The following FBLIM1 variants were observed in gnomAD, a reference collection of about 807,000 sequenced individuals.
FBLIM1 encodes the protein filamin binding LIM protein 1.
FBLIM1 carries 29 observed loss-of-function variants against 37.4 expected under a neutral mutation model. That is an observed-to-expected ratio of 0.77 (90% CI 0.58 to 1.06). The LOEUF is 1.06. FBLIM1 is among the 50% of genes least tolerant of loss of function. The probability of loss-of-function intolerance (pLI) is 0.00; values close to 1 mark genes in which losing one functional copy is unlikely to be tolerated. For synonymous variants in FBLIM1, 193 were observed against 199.0 expected, an observed-to-expected ratio of 0.97 and a Z score of 0.25; for missense variants, 449 against 505.6, an observed-to-expected ratio of 0.89 and a Z score of 1.07.
chr1:15,783,732 G>A (rs961985268), intron 8 of FBLIM1, among the ~76,000 whole-genome samples: 10 of 151,478 alleles, frequency 6.6e-5, no homozygotes, highest in African/African-American at 2.4e-4. Flanking sequence ...ACAGGCGCCC[G>A]CCACCACGCC....
At chr1:15,771,065 G>T (rs112989145) in intron 6 of FBLIM1, among the ~76,000 whole-genome samples, 61 of 151,974 alleles carry the variant, frequency 4.0e-4, no homozygotes, top group African/African-American at 1.4e-3. Context: ...TCAGCCTCCC[G>T]AGTAGCTGGG....
At chr1:15,763,561 G>C in intron 1 of FBLIM1, among the ~76,000 whole-genome samples, 1 of 151,154 alleles carries the variant, frequency 6.6e-6, no homozygotes, top group East Asian at 2.1e-4. Context: ...GCGTGAACCT[G>C]GGAAGTGGAG....
chr1:15,786,495 C>G lies in FBLIM1; in HGVS notation c.*1834C>G, dbSNP rs1392231911. 2 of 152,246 alleles carry G rather than the reference C, an allele frequency of 1.3e-5. No individual in the cohort carries two copies. Among genetic ancestry groups the G allele is most frequent in the East Asian group, 3.8e-4 (2 of 5,202 alleles). 9.4% of individuals were successfully genotyped at this position (152,246 alleles called of 1,614,324 possible). Reference sequence around the variant, plus strand: ...GTTTTCACTCACTTCTGACTTTAGCCTCGTGCTGAGCCGTGTATCCATGCA... The same window carrying G: ...GTTTTCACTCACTTCTGACTTTAGCGTCGTGCTGAGCCGTGTATCCATGCA... On this transcript the variant is annotated 3_prime_UTR_variant, in exon 9 of 9. Transcript: ENST00000375766.
chr1:15,776,006 G>A (rs1430749596), intron 7 of FBLIM1, among the ~76,000 whole-genome samples: 3 of 152,170 alleles, frequency 2.0e-5, no homozygotes, highest in Admixed American at 6.6e-5. Flanking sequence ...GGAGAAAAAG[G>A]AACAGGCAAA....
At position 15,777,295 on chromosome 1, in the gene FBLIM1, G is replaced by A; in HGVS notation, c.1008+8G>A. 1.3e-6 allele frequency: 2 copies of A among 1,597,864 alleles called. No homozygotes were observed. The highest frequency in any genetic ancestry group is 1.1e-5 in the South Asian group (1 of 90,280). ...AATTGCTACAGGTGTGAGGTGAGTGGAGCCTAGGTGGTTTAATAACATTCC... is the reference window on the plus strand; with the variant it reads ...AATTGCTACAGGTGTGAGGTGAGTGAAGCCTAGGTGGTTTAATAACATTCC... On this transcript the variant is annotated splice_region_variant and intron_variant, in intron 8 of 8. Coordinates refer to ENST00000375766, the MANE Select transcript of FBLIM1 (RefSeq NM_017556.4).
chr1:15,764,979 A>C lies in FBLIM1; in HGVS notation c.-5A>C. The C allele has an allele frequency of 6.2e-7, 1 of 1,611,132 alleles. No homozygotes were observed. Among genetic ancestry groups the C allele is most frequent in the Non-Finnish European group, 8.5e-7 (1 of 1,178,572 alleles). On this transcript the variant is annotated 5_prime_UTR_variant, in exon 3 of 9. Transcript: ENST00000375766. ...CTGTCCCTAGCCACACCAGGAGCTG[A>C]AGCCATGGCCTCAAAGCCTGAGAAG... is the stretch of plus-strand genomic sequence containing the variant.
chr1:15,777,973 A>T (rs1251826757), intron 8 of FBLIM1, among the ~76,000 whole-genome samples: 1 of 152,132 alleles, frequency 6.6e-6, no homozygotes, highest in Non-Finnish European at 1.5e-5. Flanking sequence ...GTGCATGGGC[A>T]TAGGTGGCCC....
chr1:15,777,280 G>C lies in FBLIM1; in HGVS notation c.1001G>C (p.Arg334Thr). ...MGRNFHENCY[R>T]CEDCRILLSV... is the part of the protein sequence containing the mutation. ...AGAAACTTCCATGAAAATTGCTACA[G>C]GTGTGAGGTGAGTGGAGCCTAGGTG... The change falls in exon 8 of 9, where the codon AGG (arginine) becomes ACG (threonine). Residue 334 changes from arginine (R) to threonine (T), a missense_variant. Transcript: ENST00000375766. 6.2e-7 allele frequency: 1 copy of C among 1,610,888 alleles called. No homozygotes were observed.
rs1282817643 is a variant in FBLIM1 at position 15,785,628 on chromosome 1, CTG to C, written c.*969_*970del. ...CCAGCCTGGGAGACACAGCGAGACT[CTG>C]TCTCCAAAAAAAAAAGTGCTTTTTG... On this transcript the variant is annotated 3_prime_UTR_variant, in exon 9 of 9. Transcript: ENST00000375766. The C allele has an allele frequency of 1.3e-5, 2 of 152,036 alleles. No homozygotes were observed. Among genetic ancestry groups the C allele is most frequent in the African/African-American group, 4.8e-5 (2 of 41,398 alleles). 9.4% of individuals were successfully genotyped at this position (152,036 alleles called of 1,614,324 possible).
chr1:15,760,985 CT>C (rs534153530), intron 1 of FBLIM1, among the ~76,000 whole-genome samples: 31 of 152,170 alleles, frequency 2.0e-4, no homozygotes, highest in Non-Finnish European at 3.8e-4. Context: ...CTTAGACCCC[CT>C]GGGGCCTGAG....
rs78941851 is a variant in FBLIM1, at chr1:15,780,583, C to T, written c.1008+3296C>T. On this transcript the variant is annotated intron_variant, in intron 8 of 8. Coordinates refer to ENST00000375766, the MANE Select transcript of FBLIM1 (RefSeq NM_017556.4). ...TGTAGTCAGTCCTGCTGAGGAGGCT[C>T]AGAAATCCTCTCCCACCCCTTCTAC... 8.4e-3 allele frequency among the ~76,000 whole-genome samples: 1,285 copies of T among 152,288 alleles called. 16 individuals are homozygous for T. The highest frequency in any genetic ancestry group is 0.029 in the African/African-American group (1,207 of 41,548).
At chr1:15,769,256 C>T (rs1431627224) in intron 5 of FBLIM1, among the ~76,000 whole-genome samples, 1 of 151,866 alleles carries the variant, frequency 6.6e-6, no homozygotes, top group Non-Finnish European at 1.5e-5. Context: ...GCAGGTGGAT[C>T]ACCTGAGGTC....
rs1167107853 is a variant in FBLIM1 at position 15,767,443 on chromosome 1, C to T, written c.318C>T (p.Pro106=). ...DVLPDLDLLP[P]PPPPPPVLLP... is the part of the protein sequence containing the mutation. Reference sequence around the variant, plus strand: ...TTCCTGACCTGGACCTCCTCCCACCCCCTCCACCGCCCCCTCCAGTGCTTC... The same window carrying T: ...TTCCTGACCTGGACCTCCTCCCACCTCCTCCACCGCCCCCTCCAGTGCTTC... The change falls in exon 4 of 9, where the codon CCC becomes CCT. Residue 106 remains proline (P), a synonymous_variant. Transcript: ENST00000375766. The T allele has an allele frequency of 6.4e-7, 1 of 1,555,556 alleles. No homozygotes were observed. Among genetic ancestry groups the T allele is most frequent in the Non-Finnish European group, 8.8e-7 (1 of 1,140,598 alleles).
At position 15,764,655 on chromosome 1, in the gene FBLIM1, G is replaced by A. The variant is rs1186970940; in HGVS notation, c.-51G>A. ...GAGCTGAAGCATCTGTTCCTTCCTCGCGGGTGTGAGACAAGGAAGAGTGAT... is the reference window on the plus strand; with the variant it reads ...GAGCTGAAGCATCTGTTCCTTCCTCACGGGTGTGAGACAAGGAAGAGTGAT... On this transcript the variant is annotated 5_prime_UTR_variant, in exon 2 of 9. Transcript: ENST00000375766. 3.3e-5 allele frequency: 10 copies of A among 300,996 alleles called. No individual in the cohort carries two copies. The East Asian group carries it at 3.8e-4, about 12-fold the overall frequency. The allele number at this position is 300,996 out of a possible 1,614,324, so 18.6% of individuals were successfully genotyped here.
intron 1 of FBLIM1, among the ~76,000 whole-genome samples, chr1:15,759,275 G>A (rs1036706437): frequency 5.9e-5 from 9 of 152,186 alleles, no homozygotes; most frequent in African/African-American, 2.2e-4. Flanking sequence ...TCCGGAGCCC[G>A]GGGGCGCTCC....
chr1:15,767,713 A>G (rs2148529874), intron 4 of FBLIM1, 150 bp downstream of exon 4: 1 of 487,874 alleles, frequency 2.0e-6, no homozygotes, highest in East Asian at 3.5e-5. Flanking sequence ...TGAAGCTCTC[A>G]GAAGTCCCTA....
At chr1:15,775,618 G>A (rs1167367641) in intron 7 of FBLIM1, among the ~76,000 whole-genome samples, 1 of 151,970 alleles carries the variant, frequency 6.6e-6, no homozygotes, top group Non-Finnish European at 1.5e-5. Flanking sequence ...AGGGGAAGGG[G>A]CAAGGAGCTT....
chr1:15,759,618 C>G (rs760131745), intron 1 of FBLIM1, among the ~76,000 whole-genome samples: 1 of 152,220 alleles, frequency 6.6e-6, no homozygotes, highest in Non-Finnish European at 1.5e-5. Flanking sequence ...TCTCTTTGCA[C>G]CTTCCAAGGG....
rs2068525390 is a variant in FBLIM1 at position 15,758,898 on chromosome 1, G to T, written c.-211+50G>T. The T allele has an allele frequency of 6.6e-6, 1 of 152,054 alleles. No homozygotes were observed. The highest frequency in any genetic ancestry group is 1.9e-4 in the East Asian group (1 of 5,158). 9.4% of individuals were successfully genotyped at this position (152,054 alleles called of 1,614,324 possible). A position where few individuals can be genotyped will look rare whatever the true frequency, so the allele number is the denominator to read the frequency against. The stretch of plus-strand genomic sequence containing the variant: ...TCGCGTCCCTCCGTCCCTGTCCCCG[G>T]TGCACACAGGTGACAGCGCCGGCAG... On this transcript the variant is annotated intron_variant, in intron 1 of 8. Coordinates refer to ENST00000375766, the MANE Select transcript of FBLIM1 (RefSeq NM_017556.4). The surrounding 1 kb of genome is among the most constrained non-coding windows in gnomAD (Gnocchi z 6.2).
Sources: gnomAD v4.1 joint callset for allele counts (sites outside exome capture counted in the v4.1 genomes callset) on GRCh38, gnomAD v4.1.1 for gene constraint, Gnocchi (gnomAD v3.1) non-coding constraint, MANE v1.5 for transcripts, NCBI Gene and HGNC (gene_info 2026-07-23, HGNC 2026-07-21) for gene names.